GAPDHS: variants seen among roughly 807,000 people sequenced by gnomAD.
GAPDHS encodes the protein glyceraldehyde-3-phosphate dehydrogenase, spermatogenic.
In GAPDHS, 42 loss-of-function variants were observed where a neutral mutation model predicts 48.7. The ratio of observed to expected loss-of-function variants is 0.86; its 90% CI spans 0.67 to 1.12. The LOEUF (loss-of-function observed/expected upper bound fraction) is 1.12, where lower values mean the gene tolerates loss of function less well. Among genes scored for constraint, GAPDHS ranks in the 50% most tolerant of loss-of-function variants. GAPDHS has a pLI of 0.00. For missense variants in GAPDHS, 512 were observed against 557.7 expected, an observed-to-expected ratio of 0.92 and a Z score of 0.82; for synonymous variants, 166 against 219.1, an observed-to-expected ratio of 0.76 and a Z score of 2.14.
chr19:35,539,466 T>C (rs1325284813), intron 4 of GAPDHS, among the ~76,000 whole-genome samples: 1 of 152,182 alleles, frequency 6.6e-6, no homozygotes, highest in East Asian at 1.9e-4. Flanking sequence ...GTTTAGAATT[T>C]TATTTTTGGC....
At chr19:35,538,501 C>A in intron 3 of GAPDHS, 76 bp from the exon 4 acceptor site, 1 of 1,261,274 alleles carries the variant, frequency 7.9e-7, no homozygotes, top group Non-Finnish European at 1.2e-6. Context: ...TAATGTGAGA[C>A]CTTCACCAAA....
chr19:35,537,038 C>A (rs371021112), intron 2 of GAPDHS, 48 bp downstream of exon 2: 13 of 1,457,606 alleles, frequency 8.9e-6, no homozygotes, highest in Non-Finnish European at 1.2e-5. Flanking sequence ...AGAGCCCAGC[C>A]CCTCCTCTGG....
At position 35,542,984 on chromosome 19, in the gene GAPDHS, C is replaced by G. The variant is rs1036645007; in HGVS notation, c.699C>G (p.Ala233=). 6.2e-7 allele frequency: 1 copy of G among 1,614,074 alleles called. No individual in the cohort carries two copies. Among genetic ancestry groups the G allele is most frequent in the East Asian group, 2.2e-5 (1 of 44,890 alleles). The part of the protein sequence containing the change: ...SCTTNCLAPL[A]KVIHERFGIV... Reference sequence around the variant, plus strand: ...CCACCAACTGTTTGGCTCCCCTCGCCAAAGTCATCCACGAGCGATTTGGGA... The same window carrying G: ...CCACCAACTGTTTGGCTCCCCTCGCGAAAGTCATCCACGAGCGATTTGGGA... The change falls in exon 7 of 11, where the codon GCC becomes GCG. Residue 233 remains alanine, a synonymous_variant. Coordinates refer to ENST00000222286, the MANE Select transcript of GAPDHS (RefSeq NM_014364.5).
At position 35,543,615 on chromosome 19, in the gene GAPDHS, G is replaced by C. The variant is rs369864838; in HGVS notation, c.894-50G>C. The C allele has an allele frequency of 1.6e-5, 26 of 1,596,828 alleles. No individual in the cohort carries two copies. The African/African-American group carries it at 3.3e-4, about 21-fold the overall frequency. On this transcript the variant is annotated intron_variant, in intron 8 of 10. Transcript: ENST00000222286. ...CAGCCACAGGGAAAGGGGGAATGGA[G>C]GGCAACGTCCCTAAGTTCTGACTCC...
chr19:35,542,677 C>G (rs1387446494), intron 6 of GAPDHS, 69 bp downstream of exon 6: 4 of 1,056,222 alleles, frequency 3.8e-6, no homozygotes, highest in Non-Finnish European at 5.8e-6. Flanking sequence ...ACCCTCAGCC[C>G]CACTGGATTC....
In GAPDHS at chr19:35,543,232, G is replaced by C. The variant is rs148840077; in HGVS notation, c.742-108G>C. The C allele has an allele frequency of 5.7e-5, 75 of 1,312,456 alleles. No homozygotes were observed. In the African/African-American group the frequency reaches 8.4e-4, roughly 15 times the overall value. The allele number at this position is 1,312,456 out of a possible 1,614,324, so 81.3% of individuals were successfully genotyped here. ...CACATCCCCTCCTGTGGTCTGTGGTGGTGGCCCCACCAGCCTCCACACCTA... is the reference window on the plus strand; with the variant it reads ...CACATCCCCTCCTGTGGTCTGTGGTCGTGGCCCCACCAGCCTCCACACCTA... On this transcript the variant is annotated intron_variant, in intron 7 of 10. Transcript: ENST00000222286.
Position 35,545,233 on chromosome 19 carries a change from G to A in GAPDHS, c.*63G>A, listed in dbSNP as rs1482206420. The A allele has an allele frequency of 1.2e-5, 16 of 1,364,930 alleles. No homozygotes were observed. The highest frequency in any genetic ancestry group is 1.7e-5 in the Non-Finnish European group (16 of 954,020). 84.6% of individuals were successfully genotyped at this position (1,364,930 alleles called of 1,614,324 possible). On this transcript the variant is annotated 3_prime_UTR_variant, in exon 11 of 11. Transcript: ENST00000222286. Reference sequence around the variant, plus strand: ...GCCGGAACATGTGCCTCCCGTTCCAGCATCTGGCTGCCCGGGGGAGGAAGG... The same window carrying A: ...GCCGGAACATGTGCCTCCCGTTCCAACATCTGGCTGCCCGGGGGAGGAAGG...
At chr19:35,539,700 T>C (rs2071488829) in intron 4 of GAPDHS, among the ~76,000 whole-genome samples, 1 of 151,832 alleles carries the variant, frequency 6.6e-6, no homozygotes, top group Admixed American at 6.6e-5. Context: ...GGGTGAGTGA[T>C]AAAGGGGCAG....
intron 1 of GAPDHS, among the ~76,000 whole-genome samples, chr19:35,535,054 T>C (rs2071456496): frequency 6.6e-6 from 1 of 152,166 alleles, no homozygotes; most frequent in Admixed American, 6.5e-5. Context: ...CAGCAGCCCC[T>C]AGGTGGGGGA....
chr19:35,543,099 T>C (rs1358213753), intron 7 of GAPDHS, 73 bp downstream of exon 7: 2 of 1,222,558 alleles, frequency 1.6e-6, no homozygotes, highest in Admixed American at 1.8e-5. Context: ...CCTTGCTTAC[T>C]GTATGGAGTT....
At position 35,536,854 on chromosome 19, in the gene GAPDHS, G is replaced by A. The variant is rs148360343; in HGVS notation, c.109G>A (p.Glu37Lys). ...PPPPEPKAEVEPQPQPEPTPV... is the reference protein window; with the variant it reads ...PPPPEPKAEVKPQPQPEPTPV... ...CCCACCTGAGCCTAAGGCTGAAGTA[G>A]AGCCCCAGCCACAACCAGAGCCCAC... The change falls in exon 2 of 11, where the codon GAG becomes AAG. Residue 37 changes from glutamate to lysine, a missense_variant. By Grantham distance (56) the Glu-to-Lys change is moderately conservative (BLOSUM62 1). Transcript: ENST00000222286. The A allele has an allele frequency of 6.2e-7, 1 of 1,613,736 alleles. No homozygotes were observed. Among genetic ancestry groups the A allele is most frequent in the Non-Finnish European group, 8.5e-7 (1 of 1,179,764 alleles).
rs2146291159 is a variant in GAPDHS at position 35,533,709 on chromosome 19, G to A, written c.67+115G>A. 4.1e-6 allele frequency: 3 copies of A among 726,906 alleles called. No homozygotes were observed. In the East Asian group the frequency reaches 8.6e-5, roughly 21 times the overall value. The allele number at this position is 726,906 out of a possible 1,614,324, so 45.0% of individuals were successfully genotyped here. A position where few individuals can be genotyped will look rare whatever the true frequency, so the allele number is the denominator to read the frequency against. On this transcript the variant is annotated intron_variant, in intron 1 of 10. Coordinates refer to ENST00000222286, the MANE Select transcript of GAPDHS (RefSeq NM_014364.5). Reference sequence around the variant, plus strand: ...CCTTCCTGGCGTGTGCACCATCTAGGGACCAGGGGATCAGCCGCTCTCCCT... The same window carrying A: ...CCTTCCTGGCGTGTGCACCATCTAGAGACCAGGGGATCAGCCGCTCTCCCT...
chr19:35,537,589 G>A (rs1291373252), intron 2 of GAPDHS, among the ~76,000 whole-genome samples: 2 of 152,194 alleles, frequency 1.3e-5, no homozygotes, highest in African/African-American at 4.8e-5. Context: ...AATCTGTCTT[G>A]AAGTTTTAAG....
At chr19:35,536,642 T>C (rs989426140) in intron 1 of GAPDHS, 171 bp from the exon 2 acceptor site, 22 of 555,244 alleles carry the variant, frequency 4.0e-5, no homozygotes, top group Non-Finnish European at 6.8e-5. Flanking sequence ...GCCCTTGGGA[T>C]TGACATTTTA....
At position 35,543,408 on chromosome 19, in the gene GAPDHS, T is replaced by C. The variant is rs1322372760; in HGVS notation, c.810T>C (p.Asp270=). The change falls in exon 8 of 11, where the codon GAT becomes GAC. Residue 270 remains aspartate (D), a synonymous_variant. Transcript: ENST00000222286. ...GGCCATCAAGGAAGGCCTGGCGAGA[T>C]GGGCGGGGTGCCCACCAGAACATCA... ...VDGPSRKAWR[D]GRGAHQNIIP... 2 of 1,611,332 alleles carry C rather than the reference T, an allele frequency of 1.2e-6. No individual in the cohort carries two copies. The highest frequency in any genetic ancestry group is 1.7e-5 in the Admixed American group (1 of 59,050).
chr19:35,538,547 C>T (rs747211510), intron 3 of GAPDHS, 30 bp from the exon 4 acceptor site: 5 of 1,444,658 alleles, frequency 3.5e-6, no homozygotes, highest in Middle Eastern at 1.7e-4. Context: ...CCTGCCACCC[C>T]AAGACTAGGA....
intron 9 of GAPDHS, chr19:35,544,614 G>A (rs904104168): frequency 2.8e-5 from 12 of 429,634 alleles, no homozygotes; most frequent in Non-Finnish European, 5.2e-5. Context: ...CCACCCCTCA[G>A]AGAGGCCCTC....
At chr19:35,536,575 C>T (rs974361980) in intron 1 of GAPDHS, among the ~76,000 whole-genome samples, 3 of 149,088 alleles carry the variant, frequency 2.0e-5, no homozygotes, top group African/African-American at 4.9e-5. Context: ...TACTCTGTCT[C>T]GGGAAAAAAA....
intron 1 of GAPDHS, among the ~76,000 whole-genome samples, chr19:35,534,316 G>A (rs2071451537): frequency 6.6e-6 from 1 of 152,208 alleles, no homozygotes; most frequent in Non-Finnish European, 1.5e-5. Flanking sequence ...GGGGTAGGTG[G>A]GGCTGGGGCT....
Sources: gnomAD v4.1 joint callset for allele counts (sites outside exome capture counted in the v4.1 genomes callset) on GRCh38, gnomAD v4.1.1 for gene constraint, MANE v1.5 for transcripts, NCBI Gene and HGNC (gene_info 2026-07-23, HGNC 2026-07-21) for gene names.